The following PAX5 variants were observed in gnomAD, a reference collection of about 807,000 sequenced individuals.
PAX5 encodes paired box protein Pax-5.
PAX5 carries 9 observed loss-of-function variants against 43.7 expected under a neutral mutation model. The ratio of observed to expected loss-of-function variants is 0.21; its 90% confidence interval spans 0.12 to 0.36. The LOEUF is 0.36. Among genes scored for constraint, PAX5 ranks in the 10% least tolerant of loss-of-function variants. The pLI is 1.00. For synonymous variants in PAX5, 228 were observed against 214.3 expected (o/e 1.06, Z -0.56); for missense variants, 383 against 532.7 (o/e 0.72, Z 2.77).
intron 6 of PAX5, among the ~76,000 whole-genome samples, chr9:36,944,382 C>T (rs118108212): frequency 1.4e-4 from 21 of 152,266 alleles, no homozygotes; most frequent in East Asian, 1.4e-3. Context: ...CTGCCCGAAT[C>T]GTGCAGCTGG....
At chr9:37,029,388 C>G in intron 1 of PAX5, among the ~76,000 whole-genome samples, 1 of 152,250 alleles carries the variant, frequency 6.6e-6, no homozygotes, top group East Asian at 1.9e-4. Context: ...CCCGTCCCCA[C>G]CCCCCACCAG....
intron 1 of PAX5, 59 bp from the exon 2 acceptor site, chr9:37,020,860 A>G: frequency 6.3e-7 from 1 of 1,578,890 alleles, no homozygotes; most frequent in Non-Finnish European, 8.7e-7. Context: ...GTCACATAGG[A>G]GAAGCACCGC....
chr9:36,880,959 A>G (rs1027835554), intron 8 of PAX5, among the ~76,000 whole-genome samples: 1 of 152,242 alleles, frequency 6.6e-6, no homozygotes, highest in African/African-American at 2.4e-5. Flanking sequence ...CCAGGCACTG[A>G]AACAAGCTGT....
intron 7 of PAX5, among the ~76,000 whole-genome samples, chr9:36,914,068 T>C (rs1395418380): frequency 6.6e-6 from 1 of 152,118 alleles, no homozygotes; most frequent in Non-Finnish European, 1.5e-5. Context: ...GTTTTGAAAA[T>C]CCATGGGGGC....
chr9:36,969,213 G>A (rs1834713788), intron 5 of PAX5, among the ~76,000 whole-genome samples: 1 of 152,194 alleles, frequency 6.6e-6, no homozygotes, highest in African/African-American at 2.4e-5. Flanking sequence ...CTCCCGCTGA[G>A]GCCTGGCTCT....
At chr9:37,033,032 C>A (rs1175671451) in intron 1 of PAX5, among the ~76,000 whole-genome samples, 1 of 152,232 alleles carries the variant, frequency 6.6e-6, no homozygotes. Context: ...CAAATACACA[C>A]GCCAGTGTCA....
At chr9:36,974,980 C>T (rs1835299023) in intron 5 of PAX5, among the ~76,000 whole-genome samples, 1 of 152,182 alleles carries the variant, frequency 6.6e-6, no homozygotes, top group Non-Finnish European at 1.5e-5. Flanking sequence ...CTGGCATGCC[C>T]TTCTCTCCTG....
At chr9:36,993,884 C>G (rs1325896743) in intron 5 of PAX5, among the ~76,000 whole-genome samples, 2 of 152,172 alleles carry the variant, frequency 1.3e-5, no homozygotes, top group East Asian at 3.8e-4. Context: ...TCTCCCATAC[C>G]CCCAGGGCTC....
intron 6 of PAX5, among the ~76,000 whole-genome samples, chr9:36,948,885 C>T (rs2132096801): frequency 6.6e-6 from 1 of 152,208 alleles, no homozygotes; most frequent in East Asian, 1.9e-4. Context: ...CCTTTCCCAC[C>T]ATGACCCTGA....
rs574291811 is a variant in PAX5 at position 36,895,264 on chromosome 9, G to A, written c.911-13159C>T. Among the ~76,000 whole-genome samples the A allele has an allele frequency of 3.9e-5, 6 of 152,350 alleles. No individual in the cohort carries two copies. The South Asian group carries it at 8.3e-4, about 21-fold the overall frequency. ...CATGCCTGTGTGTGCCGCCGAATCC[G>A]CCGAATGCATGCGAGGTACATGAAG... On this transcript the variant is annotated intron_variant, in intron 7 of 9. Transcript: ENST00000358127.
intron 6 of PAX5, among the ~76,000 whole-genome samples, chr9:36,929,337 T>G (rs1830943615): frequency 6.6e-6 from 1 of 151,794 alleles, no homozygotes; most frequent in African/African-American, 2.4e-5. Context: ...AGGAAAGGAA[T>G]TCCTGGTGCC....
At chr9:36,893,153 G>A (rs1008332960) in intron 7 of PAX5, among the ~76,000 whole-genome samples, 1 of 152,172 alleles carries the variant, frequency 6.6e-6, no homozygotes, top group South Asian at 2.1e-4. Context: ...CACAGTCCGT[G>A]CCCAAGGGGC....
chr9:36,873,866 G>A (rs530009524), intron 8 of PAX5, among the ~76,000 whole-genome samples: 8 of 152,300 alleles, frequency 5.3e-5, no homozygotes, highest in South Asian at 4.1e-4. Context: ...CACTACTCCC[G>A]GCCATGCCTA....
chr9:36,844,606 G>C (rs1289786117), intron 9 of PAX5, among the ~76,000 whole-genome samples: 1 of 152,168 alleles, frequency 6.6e-6, no homozygotes, highest in Non-Finnish European at 1.5e-5. Flanking sequence ...TTCCCAGCCA[G>C]ACACCCCTGC....
At chr9:36,941,824 A>T (rs1340464873) in intron 6 of PAX5, among the ~76,000 whole-genome samples, 1 of 152,016 alleles carries the variant, frequency 6.6e-6, no homozygotes, top group Non-Finnish European at 1.5e-5. Context: ...AAATGGTTAC[A>T]CCTGGCCTCC....
chr9:36,899,219 C>T (rs1828152202), intron 7 of PAX5, among the ~76,000 whole-genome samples: 1 of 152,244 alleles, frequency 6.6e-6, no homozygotes, highest in Non-Finnish European at 1.5e-5. Flanking sequence ...AAAGACCCCC[C>T]AGATGCCCTG....
intron 8 of PAX5, among the ~76,000 whole-genome samples, chr9:36,859,166 G>A (rs1383666435): frequency 5.9e-5 from 9 of 152,066 alleles, no homozygotes; most frequent in South Asian, 2.1e-4. Flanking sequence ...TCCTGCCCCC[G>A]GCAAGCCAGG....
chr9:36,906,389 G>C (rs1828825166), intron 7 of PAX5, among the ~76,000 whole-genome samples: 1 of 152,184 alleles, frequency 6.6e-6, no homozygotes, highest in Non-Finnish European at 1.5e-5. Context: ...GAGGAGAGAA[G>C]ATGCTACTCT....
intron 6 of PAX5, among the ~76,000 whole-genome samples, chr9:36,942,270 A>C (rs3780158): frequency 0.23 from 35,285 of 152,118 alleles, 4,488 homozygotes; most frequent in East Asian, 0.57. Flanking sequence ...GAAAGACTTG[A>C]TCAAGGGGAC....
Sources: gnomAD v4.1 joint callset for allele counts (sites outside exome capture counted in the v4.1 genomes callset) on GRCh38, gnomAD v4.1.1 for gene constraint, MANE v1.5 for transcripts, NCBI Gene and HGNC (gene_info 2026-07-23, HGNC 2026-07-21) for gene names.